Variants in DISC1 observed in about 807,000 individuals in gnomAD.
DISC1 encodes DISC1 scaffold protein, also known as disrupted in schizophrenia 1 protein.
DISC1 carries 57 observed loss-of-function variants against 84.5 expected under a neutral mutation model. The observed-to-expected ratio is 0.67, with a 90% confidence interval of 0.55 to 0.84. DISC1 has a LOEUF of 0.84. DISC1 is among the 40% of genes least tolerant of loss of function. DISC1 has a pLI of 0.00. For missense variants in DISC1, 1,000 were observed against 1,057.8 expected (o/e 0.95, Z 0.76); for synonymous variants, 411 against 415.2 (o/e 0.99, Z 0.12).
rs1382399492 is a variant in DISC1, at chr1:231,675,304, C to T, written c.68-18522C>T. Among the ~76,000 whole-genome samples the T allele has an allele frequency of 6.6e-6, 1 of 152,014 alleles. No homozygotes were observed. Among genetic ancestry groups the T allele is most frequent in the Non-Finnish European group, 1.5e-5 (1 of 68,006 alleles). Reference sequence around the variant, plus strand: ...TTTGCTTTGGGATGATTGCTGGGTCCTGGGGTCTCTCTCCCTGCCTCTTCC... The same window carrying T: ...TTTGCTTTGGGATGATTGCTGGGTCTTGGGGTCTCTCTCCCTGCCTCTTCC... On this transcript the variant is annotated intron_variant, in intron 1 of 12. Coordinates refer to ENST00000439617, the MANE Select transcript of DISC1 (RefSeq NM_018662.3). This position sits in a 1 kb window ranked among gnomAD's most constrained non-coding sequence, Gnocchi z 4.1.
intron 10 of DISC1, among the ~76,000 whole-genome samples, chr1:231,979,559 T>G (rs371311080): frequency 1.3e-5 from 2 of 151,440 alleles, no homozygotes; most frequent in East Asian, 1.9e-4. Flanking sequence ...TTTTCTCTTA[T>G]GCTGAAAATT....
chr1:231,915,178 G>A (rs921688350), intron 9 of DISC1, among the ~76,000 whole-genome samples: 40 of 151,680 alleles, frequency 2.6e-4, no homozygotes, highest in Admixed American at 5.9e-4. Context: ...ATATACCTGA[G>A]TTTTTTTTTC....
chr1:231,989,194 A>C (rs1056608438), intron 10 of DISC1, among the ~76,000 whole-genome samples: 5 of 152,236 alleles, frequency 3.3e-5, no homozygotes, highest in Admixed American at 2.0e-4. Flanking sequence ...AAACATATCT[A>C]TCAAGATTCT....
chr1:231,829,445 A>G (rs780803186), intron 9 of DISC1, among the ~76,000 whole-genome samples: 37 of 152,022 alleles, frequency 2.4e-4, no homozygotes, highest in Non-Finnish European at 4.9e-4. Flanking sequence ...GCTCACTGCA[A>G]CCTCCACCTC....
At chr1:232,004,912 C>G (rs1667178547) in intron 10 of DISC1, among the ~76,000 whole-genome samples, 1 of 117,360 alleles carries the variant, frequency 8.5e-6, no homozygotes, top group Non-Finnish European at 1.7e-5. Context: ...TTCTTTCCTT[C>G]CTTCCTTCTT....
chr1:231,683,518 C>T (rs1034092798), intron 1 of DISC1, among the ~76,000 whole-genome samples: 5 of 148,084 alleles, frequency 3.4e-5, no homozygotes, highest in African/African-American at 7.5e-5. Context: ...CTTGCCTTCC[C>T]GGGATCAAGC....
intron 9 of DISC1, among the ~76,000 whole-genome samples, chr1:231,856,065 C>T (rs2084249901): frequency 6.6e-6 from 1 of 152,194 alleles, no homozygotes; most frequent in South Asian, 2.1e-4. Flanking sequence ...CAAACATAAA[C>T]TCATACAAAT....
chr1:231,805,134 CT>C (rs1357149522), intron 8 of DISC1, among the ~76,000 whole-genome samples: 2 of 152,150 alleles, frequency 1.3e-5, no homozygotes, highest in Non-Finnish European at 2.9e-5. Context: ...GTTTCTCTCC[CT>C]TTTCACTGTA....
intron 9 of DISC1, among the ~76,000 whole-genome samples, chr1:231,904,493 G>T (rs1368832417): frequency 6.6e-6 from 1 of 152,092 alleles, no homozygotes; most frequent in Non-Finnish European, 1.5e-5. Context: ...TAAGGAAAGG[G>T]ACAAAACTAG....
chr1:231,733,326 ATGG>A (rs917059291), intron 3 of DISC1, among the ~76,000 whole-genome samples: 3 of 125,398 alleles, frequency 2.4e-5, no homozygotes, highest in Non-Finnish European at 5.2e-5. Flanking sequence ...AGTGGTGGTG[ATGG>A]TGGGAATGGT....
intron 9 of DISC1, among the ~76,000 whole-genome samples, chr1:231,932,392 C>G (rs1364134490): frequency 6.6e-6 from 1 of 152,172 alleles, no homozygotes; most frequent in Non-Finnish European, 1.5e-5. Context: ...CTATTAATAG[C>G]TCCTATTGAG....
intron 9 of DISC1, among the ~76,000 whole-genome samples, chr1:231,903,123 G>A (rs821726): frequency 0.32 from 48,666 of 150,138 alleles, 8,082 homozygotes; most frequent in African/African-American, 0.35. Context: ...GTGCAGTGGT[G>A]CAATCATAGC....
At chr1:231,994,254 C>A (rs1252793710) in intron 10 of DISC1, among the ~76,000 whole-genome samples, 1 of 152,198 alleles carries the variant, frequency 6.6e-6, no homozygotes, top group Non-Finnish European at 1.5e-5. Context: ...AGCTGGGATC[C>A]CAGAGGGGGC....
At chr1:231,811,810 A>T (rs867223853) in intron 8 of DISC1, among the ~76,000 whole-genome samples, 14 of 152,200 alleles carry the variant, frequency 9.2e-5, no homozygotes, top group African/African-American at 2.7e-4. Flanking sequence ...CAAGTTCAGC[A>T]ATCTCGCATG....
rs759882962 is a variant in DISC1, at chr1:232,009,026, T to C, written c.2284T>C (p.Cys762Arg). The part of the protein sequence containing the change: ...WKTHLIPSLH[C>R]AGGEQKEESY... ...GACTCACCTCATCCCCTCTCTGCAC[T>C]GTGCTGGAGGTGAACAGAAAGAGGT... is the stretch of plus-strand genomic sequence containing the variant. Residue 762 changes from cysteine (C) to arginine (R), a missense_variant, in exon 11 of 13, where the codon TGT becomes CGT. Physicochemically the swap from Cys to Arg is radical, Grantham distance 180. Transcript: ENST00000439617. The surrounding 1 kb of genome is among the most constrained non-coding windows in gnomAD (Gnocchi z 4.6). 1.2e-6 allele frequency: 2 copies of C among 1,613,892 alleles called. No individual in the cohort carries two copies. Among genetic ancestry groups the C allele is most frequent in the South Asian group, 1.1e-5 (1 of 91,086 alleles).
chr1:232,033,154 T>C (rs562570590), intron 12 of DISC1, among the ~76,000 whole-genome samples: 1 of 152,284 alleles, frequency 6.6e-6, no homozygotes, highest in African/African-American at 2.4e-5. Flanking sequence ...AAACGCTCAT[T>C]CCTAGTCCTC....
At chr1:231,772,001 A>T (rs977813892) in intron 6 of DISC1, among the ~76,000 whole-genome samples, 3 of 151,066 alleles carry the variant, frequency 2.0e-5, no homozygotes, top group Non-Finnish European at 4.4e-5. Flanking sequence ...TTTTGCAGAA[A>T]TGGTGTCTCT....
intron 10 of DISC1, among the ~76,000 whole-genome samples, chr1:231,986,237 G>T (rs138648247): frequency 6.6e-6 from 1 of 152,092 alleles, no homozygotes; most frequent in African/African-American, 2.4e-5. Context: ...TCCTGTCTGG[G>T]GATCTCAAGT....
intron 10 of DISC1, chr1:231,959,254 T>A: frequency 1.0e-6 from 1 of 998,922 alleles, no homozygotes; most frequent in Non-Finnish European, 1.2e-6. Flanking sequence ...AGGCGGTTTA[T>A]ACATGGTTTG....
Sources: gnomAD v4.1 joint callset for allele counts (sites outside exome capture counted in the v4.1 genomes callset) on GRCh38, gnomAD v4.1.1 for gene constraint, Gnocchi (gnomAD v3.1) non-coding constraint, MANE v1.5 for transcripts, NCBI Gene and HGNC (gene_info 2026-07-23, HGNC 2026-07-21) for gene names.